The following PTPN12 variants were observed in gnomAD, a reference collection of about 807,000 sequenced individuals.
The protein encoded by PTPN12 is protein tyrosine phosphatase non-receptor type 12.
A neutral mutation model predicts 97.6 loss-of-function variants in PTPN12; 29 were observed. The observed-to-expected ratio is 0.30, with a 90% confidence interval of 0.22 to 0.41. The LOEUF is 0.41. Ranked by LOEUF, PTPN12 falls within the 10% of genes least tolerant of loss-of-function variation. The pLI, the probability that PTPN12 is intolerant of heterozygous loss-of-function variation, is 1.00. For synonymous variants in PTPN12, 327 were observed against 300.4 expected (o/e 1.09, Z -0.91); for missense variants, 819 against 926.0 (o/e 0.88, Z 1.50).
At chr7:77,552,808 A>G (rs938452835) in intron 1 of PTPN12, among the ~76,000 whole-genome samples, 1 of 152,206 alleles carries the variant, frequency 6.6e-6, no homozygotes, top group Non-Finnish European at 1.5e-5. Flanking sequence ...ATTACTTACT[A>G]TGTAATGTTG....
At chr7:77,565,189 A>T (rs1808209045) in intron 1 of PTPN12, among the ~76,000 whole-genome samples, 1 of 152,214 alleles carries the variant, frequency 6.6e-6, no homozygotes, top group South Asian at 2.1e-4. Flanking sequence ...TCCGAAAGGA[A>T]TTTCAGTTAG....
intron 5 of PTPN12, among the ~76,000 whole-genome samples, chr7:77,589,584 C>G (rs576710997): frequency 6.6e-6 from 1 of 151,960 alleles, no homozygotes; most frequent in African/African-American, 2.4e-5. Context: ...AAAGATACAT[C>G]TTTCAGTTAT....
intron 8 of PTPN12, among the ~76,000 whole-genome samples, chr7:77,603,546 C>T (rs954146561): frequency 6.6e-6 from 1 of 152,150 alleles, no homozygotes; most frequent in Non-Finnish European, 1.5e-5. Flanking sequence ...AGTGCAGTGG[C>T]ACAATCTCGG....
chr7:77,580,990 T>C (rs1043215808), intron 2 of PTPN12, among the ~76,000 whole-genome samples: 1 of 152,162 alleles, frequency 6.6e-6, no homozygotes, highest in African/African-American at 2.4e-5. Context: ...CAGAGATGAT[T>C]CTTATTGCAA....
intron 1 of PTPN12, among the ~76,000 whole-genome samples, chr7:77,562,035 C>T (rs1808022996): frequency 6.6e-6 from 1 of 150,824 alleles, no homozygotes; most frequent in South Asian, 2.1e-4. Flanking sequence ...CATGATCTGC[C>T]CGCCTCGGCC....
intron 8 of PTPN12, among the ~76,000 whole-genome samples, chr7:77,602,468 T>C (rs1389690725): frequency 6.6e-6 from 1 of 152,024 alleles, no homozygotes; most frequent in African/African-American, 2.4e-5. Flanking sequence ...AAATAATAAA[T>C]GTTTGCAATA....
chr7:77,638,927 T>G, intron 17 of PTPN12, 196 bp downstream of exon 17: 148 of 876,292 alleles, frequency 1.7e-4, no homozygotes, highest in Non-Finnish European at 2.2e-4. Flanking sequence ...AAAACTGCAG[T>G]ATAAAAAATC....
chr7:77,565,556 T>C (rs1808223575), intron 1 of PTPN12, among the ~76,000 whole-genome samples: 1 of 152,226 alleles, frequency 6.6e-6, no homozygotes, highest in African/African-American at 2.4e-5. Context: ...GACAGCTCTT[T>C]GACTCTGGAG....
chr7:77,564,744 G>GT (rs1329627463), intron 1 of PTPN12, among the ~76,000 whole-genome samples: 3 of 34,362 alleles, frequency 8.7e-5, no homozygotes. Flanking sequence ...TTTTGTTGTC[G>GT]TGTTTTTTTT....
At chr7:77,592,147 A>G (rs935393803) in intron 5 of PTPN12, 38 bp from the exon 6 acceptor site, 8 of 1,529,010 alleles carry the variant, frequency 5.2e-6, no homozygotes, top group Middle Eastern at 1.7e-4. Context: ...AGAAAAACTT[A>G]CATGAATTAC....
chr7:77,546,595 A>G (rs1807228157), intron 1 of PTPN12, among the ~76,000 whole-genome samples: 2 of 152,264 alleles, frequency 1.3e-5, no homozygotes, highest in South Asian at 4.1e-4. Context: ...TATGGCAGAT[A>G]TAAGAAGCAA....
intron 1 of PTPN12, among the ~76,000 whole-genome samples, chr7:77,552,494 G>A (rs1472180514): frequency 6.6e-6 from 1 of 152,090 alleles, no homozygotes; most frequent in East Asian, 1.9e-4. Context: ...GTTAAAGAAG[G>A]TATAGAGGTT....
chr7:77,575,133 C>T lies in PTPN12; in HGVS notation c.208+3947C>T, dbSNP rs560234514. 2.0e-5 allele frequency among the ~76,000 whole-genome samples: 3 copies of T among 152,188 alleles called. No homozygotes were observed. In the South Asian group the frequency reaches 6.2e-4, roughly 32 times the overall value. On this transcript the variant is annotated intron_variant, in intron 2 of 17. Coordinates refer to ENST00000248594, the MANE Select transcript of PTPN12 (RefSeq NM_002835.4). The stretch of plus-strand genomic sequence containing the variant: ...ACTGGTGTGAGCCACTGCACCTGGC[C>T]TGGAAATTTATATTGAAAGTAATTG...
intron 1 of PTPN12, among the ~76,000 whole-genome samples, chr7:77,553,848 C>T (rs1807581811): frequency 2.3e-5 from 2 of 86,206 alleles, no homozygotes; most frequent in Admixed American, 1.5e-4. Context: ...GTTCTTTGTT[C>T]CTATTTTTTT....
At chr7:77,593,262 T>TC (rs1787922317) in intron 6 of PTPN12, among the ~76,000 whole-genome samples, 1 of 96,672 alleles carries the variant, frequency 1.0e-5, no homozygotes, top group Non-Finnish European at 1.9e-5. Flanking sequence ...AGGGTGAAAC[T>TC]CCATCTCAAA....
chr7:77,608,925 A>C (rs1040702219), intron 9 of PTPN12, among the ~76,000 whole-genome samples: 7 of 152,226 alleles, frequency 4.6e-5, no homozygotes, highest in Non-Finnish European at 8.8e-5. Context: ...GTCATTTTAA[A>C]AGTTGTGTAT....
At chr7:77,625,524 A>ACTCTCTCACT (rs753369979) in intron 12 of PTPN12, among the ~76,000 whole-genome samples, 3 of 17,016 alleles carry the variant, frequency 1.8e-4, no homozygotes, top group Non-Finnish European at 1.8e-4. Flanking sequence ...TCTCTCTCTC[A>ACTCTCTCACT]CTCTCACTCT....
intron 1 of PTPN12, among the ~76,000 whole-genome samples, chr7:77,569,205 T>A (rs895051354): frequency 2.0e-5 from 3 of 152,202 alleles, no homozygotes; most frequent in African/African-American, 7.2e-5. Flanking sequence ...TATGCATATG[T>A]ACAAGCAAAT....
chr7:77,611,360 A>G (rs1788563315), intron 11 of PTPN12, among the ~76,000 whole-genome samples: 1 of 151,628 alleles, frequency 6.6e-6, no homozygotes, highest in Non-Finnish European at 1.5e-5. Flanking sequence ...CTTCCCTTCC[A>G]CCCCCACCCA....
Sources: gnomAD v4.1 joint callset for allele counts (sites outside exome capture counted in the v4.1 genomes callset) on GRCh38, gnomAD v4.1.1 for gene constraint, MANE v1.5 for transcripts, NCBI Gene and HGNC (gene_info 2026-07-23, HGNC 2026-07-21) for gene names.